The following SORCS2 variants were observed in gnomAD, a reference collection of about 807,000 sequenced individuals.
SORCS2 encodes the protein sortilin related VPS10 domain containing receptor 2, also known as VPS10 domain-containing receptor SorCS2.
Under a neutral mutation model 141.6 loss-of-function variants are expected in SORCS2, and 100 were observed. That is an observed-to-expected ratio of 0.71 (90% CI 0.60 to 0.83). The LOEUF (loss-of-function observed/expected upper bound fraction) is 0.83. SORCS2 is among the 40% of genes least tolerant of loss of function. The pLI is 0.00. For missense variants in SORCS2, 1,646 were observed against 1,560.2 expected (o/e 1.05, Z -0.93); for synonymous variants, 789 against 676.9 (o/e 1.17, Z -2.57).
chr4:7,465,935 G>A (rs1729591764), intron 2 of SORCS2, among the ~76,000 whole-genome samples: 1 of 152,136 alleles, frequency 6.6e-6, no homozygotes, highest in Non-Finnish European at 1.5e-5. Context: ...ACAGGCCAAG[G>A]ATCCATGCAA....
intron 5 of SORCS2, among the ~76,000 whole-genome samples, chr4:7,657,304 A>G (rs534998002): frequency 6.6e-6 from 1 of 152,386 alleles, no homozygotes; most frequent in South Asian, 2.1e-4. Context: ...TTAGGTAATG[A>G]ATGAATGAGT....
chr4:7,601,101 G>A (rs562519751), intron 3 of SORCS2, among the ~76,000 whole-genome samples: 23 of 152,234 alleles, frequency 1.5e-4, no homozygotes, highest in African/African-American at 5.1e-4. Flanking sequence ...TCCTGGTCTC[G>A]AACTCCTGAC....
At chr4:7,199,103 G>A (rs1560106360) in intron 1 of SORCS2, among the ~76,000 whole-genome samples, 1 of 152,230 alleles carries the variant, frequency 6.6e-6, no homozygotes. Flanking sequence ...TCTCCTGTGA[G>A]CCGGGAGGAT....
At chr4:7,379,230 G>A (rs1722839912) in intron 1 of SORCS2, among the ~76,000 whole-genome samples, 1 of 152,172 alleles carries the variant, frequency 6.6e-6, no homozygotes, top group African/African-American at 2.4e-5. Context: ...CTGTGCTGCA[G>A]TTGACTCCCC....
intron 4 of SORCS2, among the ~76,000 whole-genome samples, chr4:7,652,982 A>C (rs943313100): frequency 6.6e-6 from 1 of 151,756 alleles, no homozygotes; most frequent in Admixed American, 6.6e-5. Context: ...TCCCTGGCCC[A>C]CAGGGACACC....
At chr4:7,580,325 G>A (rs4459991) in intron 3 of SORCS2, among the ~76,000 whole-genome samples, 141,125 of 152,120 alleles carry the variant, frequency 0.93, 66,220 homozygotes, top group Non-Finnish European at 1. Flanking sequence ...CTACTAAAAA[G>A]ATGCAGAAAA....
At chr4:7,206,839 A>C (rs1168830390) in intron 1 of SORCS2, among the ~76,000 whole-genome samples, 1 of 152,170 alleles carries the variant, frequency 6.6e-6, no homozygotes, top group Non-Finnish European at 1.5e-5. Flanking sequence ...AAAACAAAAC[A>C]AAACAAGACA....
chr4:7,294,421 C>T (rs111355840), intron 1 of SORCS2, among the ~76,000 whole-genome samples: 35 of 152,044 alleles, frequency 2.3e-4, no homozygotes, highest in Admixed American at 3.9e-4. Context: ...TCCCCGCAGC[C>T]GACCTTCTGG....
chr4:7,679,790 A>C (rs1180391063), intron 9 of SORCS2, among the ~76,000 whole-genome samples: 1 of 150,424 alleles, frequency 6.6e-6, no homozygotes, highest in Non-Finnish European at 1.5e-5. Context: ...CAGGGAATGA[A>C]TATAGCTGTG....
At chr4:7,245,699 G>A (rs769037457) in intron 1 of SORCS2, among the ~76,000 whole-genome samples, 3 of 152,210 alleles carry the variant, frequency 2.0e-5, no homozygotes, top group African/African-American at 4.8e-5. Flanking sequence ...TGCCCAGAGC[G>A]GAGCCTGATG....
rs549547065 is a variant in SORCS2, at chr4:7,447,077, C to G, written c.548+50722C>G. On this transcript the variant is annotated intron_variant, in intron 2 of 26. Coordinates refer to ENST00000507866, the MANE Select transcript of SORCS2 (RefSeq NM_020777.3). ...GTCACCTTTACTGACAAGTACTTTT[C>G]TTATAGAAGCAGGTCCCAAAAGGAC... Among the ~76,000 whole-genome samples the G allele has an allele frequency of 2.6e-5, 4 of 152,328 alleles. No individual in the cohort carries two copies. The South Asian group carries it at 8.3e-4, about 32-fold the overall frequency.
chr4:7,706,349 C>CTGT (rs1725453934), intron 14 of SORCS2, among the ~76,000 whole-genome samples: 12 of 131,850 alleles, frequency 9.1e-5, no homozygotes, highest in African/African-American at 2.5e-4. Context: ...AGGCTGGGCT[C>CTGT]CGTCTGGGCA....
chr4:7,546,432 T>G (rs1360068335), intron 3 of SORCS2, among the ~76,000 whole-genome samples: 1 of 152,194 alleles, frequency 6.6e-6, no homozygotes. Flanking sequence ...CCCACCTCCC[T>G]GCCATCTTTG....
intron 24 of SORCS2, 21 bp from the exon 25 acceptor site, chr4:7,734,251 T>G: frequency 1.3e-6 from 2 of 1,570,838 alleles, no homozygotes; most frequent in Non-Finnish European, 1.7e-6. Flanking sequence ...GGTCCTCCAC[T>G]GACAACCGCT....
intron 1 of SORCS2, among the ~76,000 whole-genome samples, chr4:7,212,043 C>T (rs955971918): frequency 6.6e-6 from 1 of 152,160 alleles, no homozygotes; most frequent in African/African-American, 2.4e-5. Flanking sequence ...GCTGCCCCAC[C>T]CCAGGTCCCT....
chr4:7,291,841 A>C lies in SORCS2; in HGVS notation c.480+98715A>C, dbSNP rs1282619866. Among the ~76,000 whole-genome samples, 5 of 152,220 alleles carry C rather than the reference A, an allele frequency of 3.3e-5. No homozygotes were observed. The South Asian group carries it at 6.2e-4, about 19-fold the overall frequency. On this transcript the variant is annotated intron_variant, in intron 1 of 26. Coordinates refer to ENST00000507866, the MANE Select transcript of SORCS2 (RefSeq NM_020777.3). ...AAGAGGAAGGTCTCCAGGGTTTTCC[A>C]AGGTCACCTAGCCCATAAATGACAC...
Position 7,697,272 on chromosome 4 carries a change from CA to C in SORCS2, c.1667del (p.Gln556ArgfsTer17). 1 of 1,584,318 alleles carries C rather than the reference CA, an allele frequency of 6.3e-7. No homozygotes were observed. Among genetic ancestry groups the C allele is most frequent in the South Asian group, 1.2e-5 (1 of 86,222 alleles). ...ITSDCGHTWR[Q>X]VFEEEHHILY... Reference sequence around the variant, plus strand: ...GTCAGACTGTGGTCACACCTGGCGGCAGGTAAGCTGGCTGGGAGGTGCCTGG... The same window carrying C: ...GTCAGACTGTGGTCACACCTGGCGGCGGTAAGCTGGCTGGGAGGTGCCTGG... On this transcript the variant is annotated frameshift_variant and splice_region_variant, in exon 12 of 27. Coordinates refer to ENST00000507866, the MANE Select transcript of SORCS2 (RefSeq NM_020777.3). LOFTEE classifies it high-confidence loss of function.
intron 1 of SORCS2, among the ~76,000 whole-genome samples, chr4:7,308,281 C>A (rs1005001894): frequency 8.5e-5 from 13 of 152,288 alleles, no homozygotes; most frequent in Non-Finnish European, 1.3e-4. Context: ...AGGAGCACCC[C>A]CACCACCGCC....
intron 1 of SORCS2, among the ~76,000 whole-genome samples, chr4:7,265,916 C>T (rs554858697): frequency 6.6e-6 from 1 of 152,248 alleles, no homozygotes; most frequent in African/African-American, 2.4e-5. Flanking sequence ...CAGCCCAGGA[C>T]CAGGGCTCAG....
Sources: gnomAD v4.1 joint callset for allele counts (sites outside exome capture counted in the v4.1 genomes callset) on GRCh38, gnomAD v4.1.1 for gene constraint, MANE v1.5 for transcripts, NCBI Gene and HGNC (gene_info 2026-07-23, HGNC 2026-07-21) for gene names.